DLGAP1: variants seen among roughly 807,000 people sequenced by gnomAD.
The protein encoded by DLGAP1 is DLG associated protein 1.
DLGAP1 carries 11 observed loss-of-function variants against 90.8 expected under a neutral mutation model. The ratio of observed to expected loss-of-function variants is 0.12; its 90% confidence interval spans 0.08 to 0.20. DLGAP1 has a LOEUF of 0.20. Among genes scored for constraint, DLGAP1 ranks in the 10% least tolerant of loss-of-function variants. DLGAP1 has a pLI of 1.00. For synonymous variants in DLGAP1, 558 were observed against 540.7 expected, an observed-to-expected ratio of 1.03 and a Z score of -0.44; for missense variants, 1,050 against 1,333.8, an observed-to-expected ratio of 0.79 and a Z score of 3.31.
chr18:4,416,339 T>C (rs369952448), intron 1 of DLGAP1, among the ~76,000 whole-genome samples: 1 of 152,194 alleles, frequency 6.6e-6, no homozygotes, highest in East Asian at 1.9e-4. Flanking sequence ...AGGTTGCTAT[T>C]GAGTTATGCC....
At chr18:3,782,459 A>C (rs1319638108) in intron 5 of DLGAP1, among the ~76,000 whole-genome samples, 1 of 152,212 alleles carries the variant, frequency 6.6e-6, no homozygotes, top group East Asian at 1.9e-4. Context: ...TTAAAGTATG[A>C]AGCATTCGGC....
chr18:4,287,256 T>C (rs1027672262), intron 1 of DLGAP1, among the ~76,000 whole-genome samples: 1 of 152,164 alleles, frequency 6.6e-6, no homozygotes, highest in Admixed American at 6.6e-5. Context: ...AAACAACAGA[T>C]GCTGGAGAGG....
intron 4 of DLGAP1, among the ~76,000 whole-genome samples, chr18:3,852,217 G>A (rs557534258): frequency 1.3e-5 from 2 of 152,084 alleles, no homozygotes; most frequent in African/African-American, 2.4e-5. Flanking sequence ...GTGCAAAGTC[G>A]TCTAGAATGA....
chr18:4,429,057 A>G (rs561544835), intron 1 of DLGAP1, among the ~76,000 whole-genome samples: 1 of 152,306 alleles, frequency 6.6e-6, no homozygotes, highest in East Asian at 1.9e-4. Context: ...AATTGTGAAA[A>G]TCTCAAAACA....
chr18:3,601,861 T>A (rs1382568695), intron 7 of DLGAP1, among the ~76,000 whole-genome samples: 6 of 23,714 alleles, frequency 2.5e-4, no homozygotes, highest in Non-Finnish European at 3.2e-4. Context: ...AAAAAAAAAT[T>A]AGCTGGGCGT....
At chr18:3,657,715 G>A (rs2059546707) in intron 7 of DLGAP1, among the ~76,000 whole-genome samples, 1 of 150,640 alleles carries the variant, frequency 6.6e-6, no homozygotes, top group Non-Finnish European at 1.5e-5. Context: ...CCATTCTCCT[G>A]CCTCAGCCTC....
chr18:4,109,953 A>C (rs1047595812), intron 2 of DLGAP1, among the ~76,000 whole-genome samples: 1 of 152,050 alleles, frequency 6.6e-6, no homozygotes, highest in African/African-American at 2.4e-5. Flanking sequence ...TATTCATATT[A>C]TCTATATTGT....
intron 3 of DLGAP1, among the ~76,000 whole-genome samples, chr18:3,997,967 A>G (rs1178466900): frequency 6.6e-6 from 1 of 152,108 alleles, no homozygotes; most frequent in Non-Finnish European, 1.5e-5. Context: ...TGAATACAGT[A>G]GACCCAGGTA....
chr18:4,402,473 G>A (rs186359588), intron 1 of DLGAP1, among the ~76,000 whole-genome samples: 159 of 152,238 alleles, frequency 1.0e-3, no homozygotes, highest in Middle Eastern at 6.8e-3. Flanking sequence ...TGCCTTATTT[G>A]CTCTTCAAGA....
chr18:4,441,469 T>C (rs1351786628), intron 1 of DLGAP1, among the ~76,000 whole-genome samples: 1 of 152,204 alleles, frequency 6.6e-6, no homozygotes, highest in African/African-American at 2.4e-5. Context: ...GAAGAACTCA[T>C]TGAAGTAGGC....
rs1362463751 is a variant in DLGAP1, at chr18:3,581,866, G to A, written c.1965+9C>T. 6.2e-7 allele frequency: 1 copy of A among 1,612,464 alleles called. No homozygotes were observed. Reference sequence around the variant, plus strand: ...TCCTATTTCAAAGGATAGAAAGGGAGGCTGTTACCTGTATCCCGATAGACA... The same window carrying A: ...TCCTATTTCAAAGGATAGAAAGGGAAGCTGTTACCTGTATCCCGATAGACA... On this transcript the variant is annotated intron_variant, in intron 8 of 12. Coordinates refer to ENST00000315677, the MANE Select transcript of DLGAP1 (RefSeq NM_004746.4).
intron 2 of DLGAP1, among the ~76,000 whole-genome samples, chr18:4,037,493 T>A (rs1365341461): frequency 1.3e-5 from 2 of 152,218 alleles, no homozygotes; most frequent in East Asian, 3.8e-4. Flanking sequence ...CTGTAACAAA[T>A]CTGAACATGG....
At chr18:4,046,346 G>A (rs1423237769) in intron 2 of DLGAP1, among the ~76,000 whole-genome samples, 1 of 152,196 alleles carries the variant, frequency 6.6e-6, no homozygotes, top group Non-Finnish European at 1.5e-5. Context: ...CTAGTGAGTA[G>A]GATCATTTGG....
chr18:3,708,439 G>A (rs2061503495), intron 7 of DLGAP1: 1 of 456,540 alleles, frequency 2.2e-6, no homozygotes, highest in Non-Finnish European at 4.4e-6. Flanking sequence ...AGTGGTATCA[G>A]GGGTGGAGGA....
chr18:3,918,706 G>A (rs144107956), intron 3 of DLGAP1, among the ~76,000 whole-genome samples: 12 of 152,314 alleles, frequency 7.9e-5, no homozygotes, highest in African/African-American at 2.4e-4. Context: ...CCTGGGGATC[G>A]TGGGCAGGAA....
chr18:3,673,620 C>A (rs568985064), intron 7 of DLGAP1, among the ~76,000 whole-genome samples: 2 of 152,266 alleles, frequency 1.3e-5, no homozygotes, highest in African/African-American at 4.8e-5. Context: ...GAACTCGGCT[C>A]ACTGCAACCT....
intron 7 of DLGAP1, among the ~76,000 whole-genome samples, chr18:3,718,378 G>A (rs1177964831): frequency 2.0e-5 from 3 of 152,064 alleles, no homozygotes; most frequent in Non-Finnish European, 2.9e-5. Context: ...GTGTAACTTT[G>A]ACTGGCCTCC....
chr18:3,596,644 C>T (rs1189980666), intron 7 of DLGAP1: 5 of 310,280 alleles, frequency 1.6e-5, no homozygotes, highest in Admixed American at 5.1e-5. Flanking sequence ...GTCTGTTCCA[C>T]GGATGTAACC....
At chr18:4,014,378 T>G (rs902416892) in intron 2 of DLGAP1, among the ~76,000 whole-genome samples, 1 of 152,124 alleles carries the variant, frequency 6.6e-6, no homozygotes, top group African/African-American at 2.4e-5. Context: ...GCCATCCTTA[T>G]CCTTCACAGC....
Sources: gnomAD v4.1 joint callset for allele counts (sites outside exome capture counted in the v4.1 genomes callset) on GRCh38, gnomAD v4.1.1 for gene constraint, MANE v1.5 for transcripts, NCBI Gene and HGNC (gene_info 2026-07-23, HGNC 2026-07-21) for gene names.